SAMMSON: variants seen among roughly 807,000 people sequenced by gnomAD.
The protein encoded by SAMMSON is survival associated mitochondrial melanoma specific oncogenic non-coding RNA, also known as long intergenic non-protein coding RNA 1212.
At chr3:70,203,843 A>C (rs913219571) in intron 4 of SAMMSON, among the ~76,000 whole-genome samples, 3 of 152,088 alleles carry the variant, frequency 2.0e-5, no homozygotes, top group African/African-American at 7.2e-5. Flanking sequence ...TATATTTCTG[A>C]CTTTCTTATC....
At chr3:70,036,884 G>A (rs1217743038) in intron 3 of SAMMSON, among the ~76,000 whole-genome samples, 1 of 152,054 alleles carries the variant, frequency 6.6e-6, no homozygotes, top group Non-Finnish European at 1.5e-5. Context: ...ATTACTTTGT[G>A]CTGAATGGAG....
At chr3:70,118,211 T>G (rs6799367) in intron 4 of SAMMSON, among the ~76,000 whole-genome samples, 3 of 152,038 alleles carry the variant, frequency 2.0e-5, no homozygotes, top group African/African-American at 7.2e-5. Context: ...CGTGAGCCAC[T>G]GTGCCTGGCC....
At chr3:70,274,059 G>GTC (rs1216531141) in intron 6 of SAMMSON, among the ~76,000 whole-genome samples, 1 of 143,128 alleles carries the variant, frequency 7.0e-6, no homozygotes, top group African/African-American at 2.5e-5. Flanking sequence ...AAACCTCCGT[G>GTC]TGTGTGTGTG....
At chr3:70,346,403 G>A (rs1702750949) in intron 7 of SAMMSON, among the ~76,000 whole-genome samples, 1 of 150,284 alleles carries the variant, frequency 6.7e-6, no homozygotes, top group Non-Finnish European at 1.5e-5. Flanking sequence ...TTTCCAAGAA[G>A]TTTTATAATT....
chr3:70,378,660 C>T (rs9836147), intron 9 of SAMMSON, among the ~76,000 whole-genome samples: 2,377 of 152,136 alleles, frequency 0.016, 55 homozygotes, highest in African/African-American at 0.042. Context: ...TAAATGAAAA[C>T]ATAAATGGGC....
At chr3:70,143,790 C>T (rs1006773627) in intron 4 of SAMMSON, among the ~76,000 whole-genome samples, 1 of 152,154 alleles carries the variant, frequency 6.6e-6, no homozygotes, top group Admixed American at 6.6e-5. Context: ...TCCCTGAACC[C>T]TGACCACATC....
chr3:70,054,727 G>A (rs546043729), intron 3 of SAMMSON, among the ~76,000 whole-genome samples: 49 of 152,140 alleles, frequency 3.2e-4, no homozygotes, highest in East Asian at 1.2e-3. Context: ...CTGGTGGAGC[G>A]GGCAGTGGGC....
chr3:70,348,414 G>A (rs1420051169), intron 7 of SAMMSON, among the ~76,000 whole-genome samples: 1 of 152,070 alleles, frequency 6.6e-6, no homozygotes. Context: ...GCATGTTTGG[G>A]TTCTTGGTAA....
intron 2 of SAMMSON, among the ~76,000 whole-genome samples, chr3:70,428,338 T>C (rs1701388360): frequency 6.6e-6 from 1 of 152,182 alleles, no homozygotes; most frequent in Admixed American, 6.5e-5. Flanking sequence ...TACTACCCGA[T>C]TTCAAGAATC....
At chr3:70,282,268 A>C (rs11928464) in intron 6 of SAMMSON, among the ~76,000 whole-genome samples, 148,138 of 152,168 alleles carry the variant, frequency 0.97, 72,126 homozygotes, top group East Asian at 1. Flanking sequence ...TAGAAGGAAC[A>C]CCTGGTGTTT....
intron 4 of SAMMSON, among the ~76,000 whole-genome samples, chr3:70,083,197 G>C (rs2067272774): frequency 6.6e-6 from 1 of 152,156 alleles, no homozygotes; most frequent in South Asian, 2.1e-4. Context: ...GTGATCATTT[G>C]CCAGAATTGG....
intron 4 of SAMMSON, among the ~76,000 whole-genome samples, chr3:70,079,412 T>C (rs2067260015): frequency 6.6e-6 from 1 of 152,282 alleles, no homozygotes; most frequent in South Asian, 2.1e-4. Flanking sequence ...CCTCTATAAG[T>C]ATGGATGGAC....
intron 3 of SAMMSON, among the ~76,000 whole-genome samples, chr3:70,019,303 T>C (rs190258347): frequency 2.8e-4 from 43 of 152,334 alleles, no homozygotes; most frequent in Middle Eastern, 3.4e-3. Flanking sequence ...TAGTTAGCTC[T>C]TCATGTTGAA....
intron 3 of SAMMSON, among the ~76,000 whole-genome samples, chr3:70,056,158 A>C (rs1340966224): frequency 6.6e-6 from 1 of 152,016 alleles, no homozygotes; most frequent in African/African-American, 2.4e-5. Flanking sequence ...TTAGAGACAA[A>C]GGGCTTCTTG....
At chr3:70,405,626 T>C (rs1386848965) in intron 2 of SAMMSON, among the ~76,000 whole-genome samples, 1 of 152,144 alleles carries the variant, frequency 6.6e-6, no homozygotes, top group Non-Finnish European at 1.5e-5. Context: ...CTTGAAGACA[T>C]AGTAATAGAA....
rs2067572011 is a variant in SAMMSON at position 70,151,583 on chromosome 3, T to C, written n.507+80018T>C. 9.9e-5 allele frequency among the ~76,000 whole-genome samples: 15 copies of C among 152,152 alleles called. No individual in the cohort carries two copies. The South Asian group carries it at 3.1e-3, about 32-fold the overall frequency. On this transcript the variant is annotated intron_variant and non_coding_transcript_variant, in intron 4 of 9. Coordinates refer to ENST00000642114, the Ensembl canonical transcript of SAMMSON. ...GAACCAATAGTCTTTGCACTACCCATCTTTATGGTGTCTTGGGAAAATAAA... is the reference window on the plus strand; with the variant it reads ...GAACCAATAGTCTTTGCACTACCCACCTTTATGGTGTCTTGGGAAAATAAA...
At chr3:70,279,474 G>C (rs1332505872) in intron 6 of SAMMSON, among the ~76,000 whole-genome samples, 1 of 151,942 alleles carries the variant, frequency 6.6e-6, no homozygotes, top group Non-Finnish European at 1.5e-5. Flanking sequence ...TTCATCCCCT[G>C]TACCACACAC....
rs149041863 is a variant in SAMMSON at position 70,262,838 on chromosome 3, C to A, written n.674+13168C>A. 5.1e-3 allele frequency among the ~76,000 whole-genome samples: 782 copies of A among 152,188 alleles called. 2 individuals are homozygous for A. The highest frequency in any genetic ancestry group is 0.018 in the African/African-American group (730 of 41,526). On this transcript the variant is annotated intron_variant and non_coding_transcript_variant, in intron 6 of 9. Transcript: ENST00000642114. ...TCTCCTTCAAAACTATGTTAGATGACCTGATATTGTCCCACAGGTCAATAA... is the reference window on the plus strand; with the variant it reads ...TCTCCTTCAAAACTATGTTAGATGAACTGATATTGTCCCACAGGTCAATAA...
At chr3:70,420,002 A>G (rs1701298847) in intron 2 of SAMMSON, among the ~76,000 whole-genome samples, 1 of 152,234 alleles carries the variant, frequency 6.6e-6, no homozygotes, top group Non-Finnish European at 1.5e-5. Flanking sequence ...GAAGAAAAGG[A>G]TTAACAATTT....
Sources: gnomAD v4.1 joint callset for allele counts (sites outside exome capture counted in the v4.1 genomes callset) on GRCh38, gnomAD v4.1.1 for gene constraint, MANE v1.5 for transcripts, NCBI Gene and HGNC (gene_info 2026-07-23, HGNC 2026-07-21) for gene names.